Variants in TTC39B observed in about 807,000 individuals in gnomAD.
TTC39B encodes tetratricopeptide repeat domain 39B.
Under a neutral mutation model 96.6 loss-of-function variants are expected in TTC39B, and 92 were observed. That is an observed-to-expected ratio of 0.95 (90% CI 0.80 to 1.13). TTC39B has a LOEUF of 1.13. TTC39B is among the 50% of genes most tolerant of loss of function. TTC39B has a pLI of 0.00. For missense variants in TTC39B, 955 were observed against 809.3 expected, an observed-to-expected ratio of 1.18 and a Z score of -2.18; for synonymous variants, 367 against 299.4, an observed-to-expected ratio of 1.23 and a Z score of -2.33.
At chr9:15,274,486 T>C (rs1289423664) in intron 1 of TTC39B, among the ~76,000 whole-genome samples, 3 of 152,188 alleles carry the variant, frequency 2.0e-5, no homozygotes, top group African/African-American at 7.2e-5. Context: ...CCCCCATAAC[T>C]GGGTTTGCAA....
intron 1 of TTC39B, among the ~76,000 whole-genome samples, chr9:15,300,869 G>C (rs1408978832): frequency 8.7e-6 from 1 of 115,510 alleles, no homozygotes; most frequent in Admixed American, 1.1e-4. Context: ...TCCAGCCTGG[G>C]TGAAAGAGTA....
intron 3 of TTC39B, among the ~76,000 whole-genome samples, chr9:15,216,920 A>C (rs2131371171): frequency 6.6e-6 from 1 of 152,290 alleles, no homozygotes; most frequent in Middle Eastern, 3.4e-3. Flanking sequence ...AGTGGTCTGG[A>C]AGAGAACCTA....
At chr9:15,266,959 A>G (rs764160486) in intron 2 of TTC39B, among the ~76,000 whole-genome samples, 5 of 152,178 alleles carry the variant, frequency 3.3e-5, no homozygotes, top group African/African-American at 4.8e-5. Context: ...GGGAGCTGTA[A>G]TCCCAGCTAC....
chr9:15,225,778 G>A (rs1222761150), intron 3 of TTC39B, 139 bp downstream of exon 3: 6 of 518,810 alleles, frequency 1.2e-5, no homozygotes, highest in East Asian at 9.9e-5. Context: ...TATAAAATGG[G>A]CACTCTACTT....
At chr9:15,243,565 C>T (rs983300253) in intron 2 of TTC39B, among the ~76,000 whole-genome samples, 36 of 152,142 alleles carry the variant, frequency 2.4e-4, no homozygotes, top group Non-Finnish European at 1.0e-4. Context: ...ATCAGGTGAG[C>T]ACTCATAGTA....
chr9:15,273,789 T>G (rs1823441406), intron 1 of TTC39B, among the ~76,000 whole-genome samples: 1 of 152,178 alleles, frequency 6.6e-6, no homozygotes, highest in African/African-American at 2.4e-5. Context: ...CTACAACTGT[T>G]GAGAACTCTG....
At chr9:15,229,240 T>A (rs529055827) in intron 2 of TTC39B, among the ~76,000 whole-genome samples, 3 of 152,338 alleles carry the variant, frequency 2.0e-5, no homozygotes, top group South Asian at 2.1e-4. Flanking sequence ...CTTTCCTGCA[T>A]GGATAAGCAA....
intron 1 of TTC39B, among the ~76,000 whole-genome samples, chr9:15,284,038 C>G (rs1468289775): frequency 6.6e-6 from 1 of 152,112 alleles, no homozygotes; most frequent in African/African-American, 2.4e-5. Context: ...AATTAAGGCA[C>G]TTTAACAGGC....
At chr9:15,280,672 T>G (rs1046896535) in intron 1 of TTC39B, among the ~76,000 whole-genome samples, 22 of 152,304 alleles carry the variant, frequency 1.4e-4, no homozygotes, top group African/African-American at 5.1e-4. Flanking sequence ...TTGGTATGGT[T>G]GCTGCAGCTA....
chr9:15,217,951 T>A (rs900157580), intron 3 of TTC39B, among the ~76,000 whole-genome samples: 1 of 152,078 alleles, frequency 6.6e-6, no homozygotes, highest in Non-Finnish European at 1.5e-5. Context: ...GGCTCACGCC[T>A]GTAATCCCAG....
At chr9:15,230,168 A>C (rs972327779) in intron 2 of TTC39B, among the ~76,000 whole-genome samples, 1 of 152,216 alleles carries the variant, frequency 6.6e-6, no homozygotes, top group Non-Finnish European at 1.5e-5. Context: ...CTATTAGTAC[A>C]TTGGAATATA....
chr9:15,282,753 G>A (rs1823814321), intron 1 of TTC39B, among the ~76,000 whole-genome samples: 1 of 152,100 alleles, frequency 6.6e-6, no homozygotes, highest in South Asian at 2.1e-4. Context: ...TGAAACTGGA[G>A]CACAGAGAGG....
In TTC39B at chr9:15,262,935, G is replaced by A. The variant is rs1378312483; in HGVS notation, c.275+4979C>T. Among the ~76,000 whole-genome samples the A allele has an allele frequency of 2.0e-5, 3 of 152,188 alleles. No individual in the cohort carries two copies. In the East Asian group the frequency reaches 5.8e-4, roughly 29 times the overall value. ...GTTTTGCAGAATTCACAAAGGGAATGTTATAGTATCACCAATTTAAGAGGA... is the reference window on the plus strand; with the variant it reads ...GTTTTGCAGAATTCACAAAGGGAATATTATAGTATCACCAATTTAAGAGGA... On this transcript the variant is annotated intron_variant, in intron 2 of 19. Transcript: ENST00000512701.
In TTC39B at chr9:15,234,050, G is replaced by A. The variant is rs1358448793; in HGVS notation, c.276-8038C>T. Among the ~76,000 whole-genome samples, 88 of 121,438 alleles carry A rather than the reference G, an allele frequency of 7.2e-4. 2 individuals are homozygous for A. The highest frequency in any genetic ancestry group is 4.9e-3 in the East Asian group (22 of 4,462). The allele number at this position is 121,438 out of a possible 152,430, so 79.7% of individuals were successfully genotyped here. A position where few individuals can be genotyped will look rare whatever the true frequency, so the allele number is the denominator to read the frequency against. On this transcript the variant is annotated intron_variant, in intron 2 of 19. Transcript: ENST00000512701. ...AGGAGCGCCTCTGACCCGCCGCCCC[G>A]TCTGGGATGTGAGGAGCGCCTCTGC...
At chr9:15,195,632 T>C (rs1819118394) in intron 8 of TTC39B, among the ~76,000 whole-genome samples, 1 of 133,194 alleles carries the variant, frequency 7.5e-6, no homozygotes, top group South Asian at 2.3e-4. Context: ...ATCGTGCCAC[T>C]GCACTCCAGC....
chr9:15,183,312 A>C (rs1483741556), intron 16 of TTC39B: 1 of 422,610 alleles, frequency 2.4e-6, no homozygotes, highest in Admixed American at 3.0e-5. Context: ...TGCTGCTAAT[A>C]GAGCAAGAGT....
chr9:15,254,828 TACACACACACACAC>T (rs35980691), intron 2 of TTC39B, among the ~76,000 whole-genome samples: 3 of 143,764 alleles, frequency 2.1e-5, no homozygotes, highest in South Asian at 2.2e-4. Flanking sequence ...CATAACTTTA[TACACACACACACAC>T]ACACACACAC....
chr9:15,177,837 G>C, intron 17 of TTC39B, 23 bp from the exon 18 acceptor site: 6,402 of 737,056 alleles, frequency 8.7e-3, no homozygotes, highest in Non-Finnish European at 0.013. Flanking sequence ...AACATACAAA[G>C]AAAACACACA....
chr9:15,228,388 C>T (rs763441290), intron 2 of TTC39B, among the ~76,000 whole-genome samples: 4 of 152,092 alleles, frequency 2.6e-5, no homozygotes, highest in Non-Finnish European at 5.9e-5. Flanking sequence ...TGCTTGAACC[C>T]GGGAGGCGGA....
Sources: gnomAD v4.1 joint callset for allele counts (sites outside exome capture counted in the v4.1 genomes callset) on GRCh38, gnomAD v4.1.1 for gene constraint, MANE v1.5 for transcripts, NCBI Gene and HGNC (gene_info 2026-07-23, HGNC 2026-07-21) for gene names.